The following PLCB1 variants were observed in gnomAD, a reference collection of about 807,000 sequenced individuals.
PLCB1 encodes phospholipase C beta 1.
In PLCB1, 46 loss-of-function variants were observed where a neutral mutation model predicts 161.8. The ratio of observed to expected loss-of-function variants is 0.28; its 90% CI spans 0.22 to 0.36. The LOEUF is 0.36. PLCB1 is among the 10% of genes least tolerant of loss of function. The probability of loss-of-function intolerance (pLI) is 1.00; values close to 1 mark genes in which losing one functional copy is unlikely to be tolerated. For synonymous variants in PLCB1, 517 were observed against 503.7 expected (o/e 1.03, Z -0.35); for missense variants, 1,016 against 1,472.5 (o/e 0.69, Z 5.07).
At chr20:8,221,355 T>C (rs766951531) in intron 2 of PLCB1, among the ~76,000 whole-genome samples, 5 of 152,116 alleles carry the variant, frequency 3.3e-5, no homozygotes, top group Non-Finnish European at 7.3e-5. Context: ...TTCACTTGGC[T>C]GATTTGCATT....
chr20:8,430,339 G>A (rs1279008989), intron 3 of PLCB1, among the ~76,000 whole-genome samples: 1 of 151,978 alleles, frequency 6.6e-6, no homozygotes, highest in Non-Finnish European at 1.5e-5. Flanking sequence ...AATGATTGAG[G>A]TCAGGAGAAC....
intron 3 of PLCB1, among the ~76,000 whole-genome samples, chr20:8,560,840 A>G (rs372130463): frequency 4.3e-4 from 65 of 151,958 alleles, no homozygotes; most frequent in African/African-American, 1.4e-3. Flanking sequence ...TCTGCCAAAA[A>G]ATTTCTTTAA....
rs573922262 is a variant in PLCB1 at position 8,340,417 on chromosome 20, T to TTTTTTG, written c.178-30946_178-30941dup. On this transcript the variant is annotated intron_variant, in intron 2 of 31. Transcript: ENST00000338037. ...TTAATATATTGTTAAATTCTAGTTT[T>TTTTTTG]TTTTTGTTTTTGTTTTTGTTTTTGA... Among the ~76,000 whole-genome samples, 605 of 152,288 alleles carry TTTTTTG rather than the reference T, an allele frequency of 4.0e-3. 3 individuals are homozygous for TTTTTTG. The highest frequency in any genetic ancestry group is 0.011 in the African/African-American group (455 of 41,546).
At chr20:8,529,290 T>C (rs11907519) in intron 3 of PLCB1, among the ~76,000 whole-genome samples, 46,280 of 151,758 alleles carry the variant, frequency 0.3, 7,446 homozygotes, top group Middle Eastern at 0.42. Flanking sequence ...GTATTAATAG[T>C]TGCATATACC....
chr20:8,538,146 C>G (rs1985128908), intron 3 of PLCB1, among the ~76,000 whole-genome samples: 1 of 152,258 alleles, frequency 6.6e-6, no homozygotes, highest in East Asian at 1.9e-4. Flanking sequence ...TCTGTACATT[C>G]AGTTAATCTT....
chr20:8,614,408 C>G (rs1009268772), intron 3 of PLCB1, among the ~76,000 whole-genome samples: 3 of 151,862 alleles, frequency 2.0e-5, no homozygotes, highest in African/African-American at 7.2e-5. Flanking sequence ...ATAATAAAAC[C>G]TGTCCAATGA....
chr20:8,644,021 T>C (rs1272039213), intron 4 of PLCB1, among the ~76,000 whole-genome samples: 1 of 152,194 alleles, frequency 6.6e-6, no homozygotes, highest in Non-Finnish European at 1.5e-5. Flanking sequence ...GGTCTCCAGC[T>C]CCTAGCCGCG....
intron 22 of PLCB1, 86 bp from the exon 23 acceptor site, chr20:8,741,378 A>C: frequency 1.2e-6 from 1 of 851,868 alleles, no homozygotes; most frequent in Non-Finnish European, 1.9e-6. Context: ...GCATGGACTG[A>C]TGGTCAGATA....
At chr20:8,368,528 C>CAAAAAAAAAAAAAA (rs1216338206) in intron 2 of PLCB1, among the ~76,000 whole-genome samples, 1 of 63,816 alleles carries the variant, frequency 1.6e-5, no homozygotes, top group Non-Finnish European at 2.9e-5. Flanking sequence ...CTCTGTCTCT[C>CAAAAAAAAAAAAAA]AAAAAAAAAA....
chr20:8,145,945 A>T (rs1315313325), intron 1 of PLCB1, among the ~76,000 whole-genome samples: 1 of 152,180 alleles, frequency 6.6e-6, no homozygotes, highest in Non-Finnish European at 1.5e-5. Flanking sequence ...CAGCAGTCGC[A>T]TTTCAAGTGC....
chr20:8,339,454 A>G (rs1280996779), intron 2 of PLCB1, among the ~76,000 whole-genome samples: 1 of 152,130 alleles, frequency 6.6e-6, no homozygotes, highest in Admixed American at 6.5e-5. Flanking sequence ...TGCCAGCAAG[A>G]CCAGCTCATT....
intron 2 of PLCB1, among the ~76,000 whole-genome samples, chr20:8,336,938 T>G (rs1985603843): frequency 1.3e-5 from 2 of 152,170 alleles, no homozygotes; most frequent in African/African-American, 4.8e-5. Context: ...ACAAATATTA[T>G]AGCTCTTCTA....
At chr20:8,695,677 C>T (rs1383294679) in intron 10 of PLCB1, among the ~76,000 whole-genome samples, 2 of 152,122 alleles carry the variant, frequency 1.3e-5, no homozygotes, top group South Asian at 2.1e-4. Flanking sequence ...ACTCTAGCCT[C>T]GGTGACAGAG....
At chr20:8,786,398 T>G (rs1983483094) in intron 27 of PLCB1, among the ~76,000 whole-genome samples, 1 of 152,220 alleles carries the variant, frequency 6.6e-6, no homozygotes, top group Non-Finnish European at 1.5e-5. Flanking sequence ...ATAGGCTTTC[T>G]GCTGGCCCAA....
Position 8,545,092 on chromosome 20 carries a change from G to T in PLCB1, c.247-83202G>T, listed in dbSNP as rs1366854968. On this transcript the variant is annotated intron_variant, in intron 3 of 31. Coordinates refer to ENST00000338037, the MANE Select transcript of PLCB1 (RefSeq NM_015192.4). ...GTAACTTGAATGCAAAGCCATATGT[G>T]GAAACTATAAGACAAAAATTAACGC... Among the ~76,000 whole-genome samples the T allele has an allele frequency of 2.0e-5, 3 of 152,136 alleles. No homozygotes were observed. The South Asian group carries it at 6.2e-4, about 32-fold the overall frequency.
At chr20:8,854,780 G>T (rs1373923943) in intron 31 of PLCB1, among the ~76,000 whole-genome samples, 1 of 152,206 alleles carries the variant, frequency 6.6e-6, no homozygotes, top group Non-Finnish European at 1.5e-5. Context: ...ACTCGGCAAG[G>T]AGCCTCCTGT....
chr20:8,600,688 C>G (rs1259131506), intron 3 of PLCB1: 6 of 151,244 alleles, frequency 4.0e-5, no homozygotes, highest in African/African-American at 1.5e-4. Context: ...GGCGGGCGCC[C>G]CTCCCCCAGC....
intron 2 of PLCB1, among the ~76,000 whole-genome samples, chr20:8,218,798 G>C (rs541604876): frequency 3.3e-5 from 5 of 152,018 alleles, no homozygotes; most frequent in African/African-American, 1.2e-4. Context: ...TGGTGGGAAA[G>C]GGCCAGCACA....
chr20:8,613,206 T>C (rs1262031823), intron 3 of PLCB1, among the ~76,000 whole-genome samples: 2 of 152,356 alleles, frequency 1.3e-5, no homozygotes, highest in East Asian at 3.9e-4. Context: ...ATTTCTTCTA[T>C]GTATAAGGAA....
Sources: gnomAD v4.1 joint callset for allele counts (sites outside exome capture counted in the v4.1 genomes callset) on GRCh38, gnomAD v4.1.1 for gene constraint, MANE v1.5 for transcripts, NCBI Gene and HGNC (gene_info 2026-07-23, HGNC 2026-07-21) for gene names.